Variants in EML1 observed in about 807,000 individuals in gnomAD.
EML1 encodes EMAP like 1, also known as echinoderm microtubule-associated protein-like 1.
Under a neutral mutation model 110.4 loss-of-function variants are expected in EML1, and 27 were observed. The observed-to-expected ratio is 0.24, with a 90% CI of 0.18 to 0.34. EML1 has a LOEUF of 0.34. Among genes scored for constraint, EML1 ranks in the 10% least tolerant of loss-of-function variants. The pLI is 1.00. For synonymous variants in EML1, 344 were observed against 385.8 expected (o/e 0.89, Z 1.27); for missense variants, 741 against 1,030.9 (o/e 0.72, Z 3.85).
At chr14:99,780,142 C>T (rs1476155616) in intron 1 of EML1, among the ~76,000 whole-genome samples, 1 of 152,136 alleles carries the variant, frequency 6.6e-6, no homozygotes, top group Non-Finnish European at 1.5e-5. Flanking sequence ...TATAAGGTCA[C>T]TAATCCTAAC....
intron 17 of EML1, among the ~76,000 whole-genome samples, chr14:99,934,267 C>T (rs1473694216): frequency 6.6e-6 from 1 of 152,234 alleles, no homozygotes; most frequent in Non-Finnish European, 1.5e-5. Context: ...CTGGCCTTCT[C>T]AAGCCTCATC....
At chr14:99,910,530 A>G (rs1456308449) in intron 12 of EML1, among the ~76,000 whole-genome samples, 189 bp downstream of exon 12, 2 of 152,224 alleles carry the variant, frequency 1.3e-5, no homozygotes, top group African/African-American at 4.8e-5. Flanking sequence ...GGAAAAGCGG[A>G]GAATAGTAAG....
intron 4 of EML1, among the ~76,000 whole-genome samples, chr14:99,882,945 A>G (rs977020702): frequency 9.9e-5 from 15 of 152,104 alleles, no homozygotes; most frequent in African/African-American, 3.6e-4. Context: ...TCAGGTCGAG[A>G]ACCACTGGGC....
intron 1 of EML1, among the ~76,000 whole-genome samples, chr14:99,848,693 C>T (rs2139823184): frequency 6.6e-6 from 1 of 152,268 alleles, no homozygotes; most frequent in African/African-American, 2.4e-5. Flanking sequence ...AGGCTGGGCA[C>T]AGTGGCTAAC....
intron 2 of EML1, among the ~76,000 whole-genome samples, chr14:99,853,114 T>G (rs1288810977): frequency 6.6e-6 from 1 of 152,200 alleles, no homozygotes; most frequent in African/African-American, 2.4e-5. Context: ...GTTTTCTTGA[T>G]TAAGAATGAT....
At position 99,807,057 on chromosome 14, in the gene EML1, G is replaced by A. The variant is rs546251645; in HGVS notation, c.67+13514G>A. Among the ~76,000 whole-genome samples the A allele has an allele frequency of 7.0e-4, 107 of 152,084 alleles. 1 individual carries two copies. Among genetic ancestry groups the A allele is most frequent in the Non-Finnish European group, 1.4e-3 (97 of 68,024 alleles). On this transcript the variant is annotated intron_variant, in intron 1 of 21. Transcript: ENST00000262233. ...GGATTGCTTTTGTACGTTTGGCACCGTTTGATGCCGTGAACGCCTGATTGG... is the reference window on the plus strand; with the variant it reads ...GGATTGCTTTTGTACGTTTGGCACCATTTGATGCCGTGAACGCCTGATTGG...
intron 1 of EML1, among the ~76,000 whole-genome samples, chr14:99,767,620 G>C (rs745829788): frequency 6.6e-6 from 1 of 152,098 alleles, no homozygotes; most frequent in Non-Finnish European, 1.5e-5. Flanking sequence ...AGAAAAAAAA[G>C]AGGGGGATGG....
chr14:99,881,331 G>A (rs2139946355), intron 4 of EML1, among the ~76,000 whole-genome samples: 1 of 152,294 alleles, frequency 6.6e-6, no homozygotes, highest in African/African-American at 2.4e-5. Context: ...CTTCTCACAC[G>A]CCATGTGCAA....
At chr14:99,871,529 A>AG (rs1280087052) in intron 3 of EML1, among the ~76,000 whole-genome samples, 2 of 152,072 alleles carry the variant, frequency 1.3e-5, no homozygotes, top group Non-Finnish European at 2.9e-5. Context: ...AAAAAAAAAA[A>AG]AAGAACATTT....
chr14:99,809,158 A>G (rs564293770), intron 1 of EML1, among the ~76,000 whole-genome samples: 1 of 152,184 alleles, frequency 6.6e-6, no homozygotes, highest in South Asian at 2.1e-4. Context: ...ATTTTTGCAA[A>G]TTTTGTTATT....
At chr14:99,771,634 A>C (rs2057429457), upstream of EML1, among the ~76,000 whole-genome samples, 1 of 152,178 alleles carries the variant, frequency 6.6e-6, no homozygotes, top group Non-Finnish European at 1.5e-5. Context: ...CAACATGGTG[A>C]AACCCCATCT....
chr14:99,790,013 T>C (rs2057645907), upstream of EML1, among the ~76,000 whole-genome samples: 1 of 152,196 alleles, frequency 6.6e-6, no homozygotes, highest in African/African-American at 2.4e-5. Context: ...TGACTTAACA[T>C]GCATATCATT....
intron 2 of EML1, among the ~76,000 whole-genome samples, chr14:99,855,729 T>C (rs2058891823): frequency 6.6e-6 from 1 of 152,254 alleles, no homozygotes; most frequent in Non-Finnish European, 1.5e-5. Flanking sequence ...CAATCAGTTA[T>C]ACCAACTAGT....
intron 1 of EML1, among the ~76,000 whole-genome samples, chr14:99,778,864 T>A (rs1174807815): frequency 6.6e-6 from 1 of 152,242 alleles, no homozygotes; most frequent in South Asian, 2.1e-4. Context: ...AATTCTTAAT[T>A]CTTTGTCTGA....
intron 5 of EML1, among the ~76,000 whole-genome samples, chr14:99,891,825 AT>A (rs1566921728): frequency 2.6e-5 from 4 of 152,248 alleles, no homozygotes; most frequent in Admixed American, 6.5e-5. Flanking sequence ...GATGAAATAC[AT>A]TCATTTAATT....
upstream of EML1, among the ~76,000 whole-genome samples, chr14:99,769,304 A>C (rs2057398807): frequency 6.6e-6 from 1 of 152,206 alleles, no homozygotes; most frequent in African/African-American, 2.4e-5. Context: ...GTCAGCACAC[A>C]GACAGGGAGC....
chr14:99,900,173 A>G (rs1469830928), intron 8 of EML1, among the ~76,000 whole-genome samples: 1 of 143,556 alleles, frequency 7.0e-6, no homozygotes, highest in Non-Finnish European at 1.5e-5. Flanking sequence ...GCCCAAGAAT[A>G]TTAAGCTCTT....
chr14:99,920,230 G>T (rs2060107053), intron 16 of EML1, among the ~76,000 whole-genome samples: 1 of 152,144 alleles, frequency 6.6e-6, no homozygotes, highest in African/African-American at 2.4e-5. Flanking sequence ...GAAATTAGAA[G>T]ACCAGTCCTC....
chr14:99,798,223 A>G (rs564113481), intron 1 of EML1, among the ~76,000 whole-genome samples: 1 of 152,262 alleles, frequency 6.6e-6, no homozygotes, highest in South Asian at 2.1e-4. Flanking sequence ...CTAGCTCTTA[A>G]GACGTAATTT....
Sources: allele counts gnomAD v4.1 joint callset (sites outside exome capture counted in the v4.1 genomes callset), GRCh38; gene constraint gnomAD v4.1.1; transcripts MANE v1.5; gene names NCBI Gene and HGNC (gene_info 2026-07-23, HGNC 2026-07-21).